CACNA1B: variants seen among roughly 807,000 people sequenced by gnomAD.
The protein encoded by CACNA1B is calcium voltage-gated channel subunit alpha1 B, also known as voltage-dependent N-type calcium channel subunit alpha-1B.
In CACNA1B, 70 loss-of-function variants were observed where a neutral mutation model predicts 247.2. The observed-to-expected ratio is 0.28, with a 90% CI of 0.23 to 0.35. The LOEUF is 0.35. Among genes scored for constraint, CACNA1B ranks in the 10% least tolerant of loss-of-function variants. CACNA1B has a pLI of 1.00. For synonymous variants in CACNA1B, 1,231 were observed against 1,294.4 expected, an observed-to-expected ratio of 0.95 and a Z score of 1.05; for missense variants, 2,367 against 3,197.4, an observed-to-expected ratio of 0.74 and a Z score of 6.26.
intron 6 of CACNA1B, among the ~76,000 whole-genome samples, chr9:137,945,807 T>C (rs1341498477): frequency 1.3e-5 from 2 of 152,190 alleles, no homozygotes; most frequent in Non-Finnish European, 2.9e-5. Flanking sequence ...TTGTTACTTG[T>C]CCTAAACATC....
intron 20 of CACNA1B, among the ~76,000 whole-genome samples, chr9:138,037,523 G>C (rs1959061012): frequency 6.6e-6 from 1 of 152,182 alleles, no homozygotes; most frequent in East Asian, 1.9e-4. Context: ...GCCAGGTGTG[G>C]TGGCAAGCGC....
chr9:137,969,736 C>T (rs73570231), intron 10 of CACNA1B, among the ~76,000 whole-genome samples: 3,696 of 152,282 alleles, frequency 0.024, 153 homozygotes, highest in African/African-American at 0.084. Flanking sequence ...TGCTGTGAAG[C>T]ATGTGCGTGT....
chr9:138,031,441 G>T (rs1265282269), intron 20 of CACNA1B, among the ~76,000 whole-genome samples: 2 of 152,168 alleles, frequency 1.3e-5, no homozygotes, highest in Admixed American at 1.3e-4. Context: ...GGGATATCTT[G>T]ATGTATGTTC....
chr9:138,045,663 TCTGAG>T (rs1163124109), intron 21 of CACNA1B, among the ~76,000 whole-genome samples: 2 of 151,998 alleles, frequency 1.3e-5, no homozygotes, highest in Non-Finnish European at 2.9e-5. Context: ...GGACTTAGGA[TCTGAG>T]CTGGGGGCTA....
At chr9:137,941,004 A>AAGACAAGG (rs1957727229) in intron 6 of CACNA1B, among the ~76,000 whole-genome samples, 1 of 152,220 alleles carries the variant, frequency 6.6e-6, no homozygotes, top group South Asian at 2.1e-4. Flanking sequence ...GAACTGGAAG[A>AAGACAAGG]AGACAAGGAT....
chr9:137,997,208 A>G (rs1958511161), intron 15 of CACNA1B, among the ~76,000 whole-genome samples: 1 of 152,080 alleles, frequency 6.6e-6, no homozygotes, highest in South Asian at 2.1e-4. Flanking sequence ...ATTGTACTCC[A>G]CTCTGTGTAT....
At chr9:137,960,271 A>AGACGCCACC in intron 10 of CACNA1B, among the ~76,000 whole-genome samples, 3 of 138,106 alleles carry the variant, frequency 2.2e-5, no homozygotes, top group Non-Finnish European at 3.1e-5. Flanking sequence ...ACCCGGAGAG[A>AGACGCCACC]AGGGAGGTCC....
chr9:137,963,942 T>G (rs1453291685), intron 10 of CACNA1B, among the ~76,000 whole-genome samples: 1 of 152,226 alleles, frequency 6.6e-6, no homozygotes, highest in Non-Finnish European at 1.5e-5. Context: ...TTATTTCTCC[T>G]TCACTTATGA....
intron 15 of CACNA1B, among the ~76,000 whole-genome samples, chr9:138,001,014 A>G (rs776614082): frequency 6.6e-6 from 1 of 151,772 alleles, no homozygotes; most frequent in East Asian, 1.9e-4. Flanking sequence ...GTGTTTTTTT[A>G]TCTGCATCAC....
chr9:137,903,054 T>G (rs866967999), intron 3 of CACNA1B, among the ~76,000 whole-genome samples: 2 of 152,220 alleles, frequency 1.3e-5, no homozygotes, highest in Non-Finnish European at 2.9e-5. Context: ...GACAAATGCC[T>G]AAAAGTTGGA....
intron 6 of CACNA1B, among the ~76,000 whole-genome samples, chr9:137,930,797 A>AT (rs925149134): frequency 1.7e-4 from 25 of 149,008 alleles, no homozygotes; most frequent in East Asian, 5.9e-4. Flanking sequence ...TAGACTTGCT[A>AT]TTTTTTTTTG....
rs199721953 is a variant in CACNA1B, at chr9:137,971,570, G to A, written c.1521G>A (p.Pro507=). ...TGGCCATGGTGCATTACAACCAGCC[G>A]CGGCGGCTTACCACGACCCTGTGTA... is the stretch of plus-strand genomic sequence containing the variant. ...LCVAMVHYNQ[P]RRLTTTLYFA... Residue 507 remains proline (P), a synonymous_variant, in exon 11 of 47, where the codon CCG becomes CCA. Transcript: ENST00000371372. This position sits in a 1 kb window ranked among gnomAD's most constrained non-coding sequence, Gnocchi z 4.4. 334 of 1,613,318 alleles carry A rather than the reference G, an allele frequency of 2.1e-4. No homozygotes were observed. The highest frequency in any genetic ancestry group is 2.7e-4 in the Non-Finnish European group (319 of 1,179,594).
At chr9:137,911,288 T>G (rs527508599) in intron 3 of CACNA1B, among the ~76,000 whole-genome samples, 14 of 152,252 alleles carry the variant, frequency 9.2e-5, no homozygotes, top group Admixed American at 9.2e-4. Flanking sequence ...AAATTCCTCT[T>G]TCAATAGTTG....
intron 15 of CACNA1B, among the ~76,000 whole-genome samples, chr9:137,992,395 C>T (rs537223385): frequency 2.0e-5 from 3 of 152,150 alleles, no homozygotes; most frequent in African/African-American, 7.2e-5. Context: ...TATCATAATC[C>T]TAAATGTATA....
At position 137,955,777 on chromosome 9, in the gene CACNA1B, G is replaced by T. The variant is rs1554738164; in HGVS notation, c.1150G>T (p.Glu384Ter). The T allele has an allele frequency of 6.2e-7, 1 of 1,611,844 alleles. No homozygotes were observed. The change falls in exon 8 of 47, where the codon GAG becomes TAG. Residue 384 changes from glutamate (E) to a stop codon, truncating the protein, a stop_gained. Coordinates refer to ENST00000371372, the MANE Select transcript of CACNA1B (RefSeq NM_000718.4). LOFTEE classifies it high-confidence loss of function. The surrounding 1 kb of genome is among the most constrained non-coding windows in gnomAD (Gnocchi z 6.9). The part of the protein sequence containing the change: ...KLRRQQQIER[E>*]LNGYLEWIFK... ...GCGCCGGCAGCAGCAGATCGAGCGA[G>T]AGCTCAACGGGTACCTGGAGTGGAT...
intron 20 of CACNA1B, among the ~76,000 whole-genome samples, chr9:138,026,391 T>A (rs1181393250): frequency 6.6e-6 from 1 of 152,196 alleles, no homozygotes; most frequent in Non-Finnish European, 1.5e-5. Context: ...CTGGCTTTTA[T>A]CTGCAGGAAT....
chr9:138,036,168 C>T (rs1168573149), intron 20 of CACNA1B, among the ~76,000 whole-genome samples: 1 of 151,536 alleles, frequency 6.6e-6, no homozygotes, highest in African/African-American at 2.4e-5. Context: ...GAGACGGAGT[C>T]TCGCTCTGTC....
chr9:137,925,460 T>G (rs1371266453), intron 6 of CACNA1B, among the ~76,000 whole-genome samples: 1 of 152,232 alleles, frequency 6.6e-6, no homozygotes, highest in East Asian at 1.9e-4. Context: ...GGCAGCAACC[T>G]TTGCTATGTT....
rs1959648380 is a variant in CACNA1B, at chr9:138,059,586, T to C, written c.4585-68T>C. 1.2e-5 allele frequency: 11 copies of C among 915,408 alleles called. No homozygotes were observed. In the East Asian group the frequency reaches 2.6e-4, roughly 22 times the overall value. 56.7% of individuals were successfully genotyped at this position (915,408 alleles called of 1,614,324 possible). ...CGCTTTCTTAATCAGGGCCACCACC[T>C]ATATATACCTCTTTGCCAACAGAGC... On this transcript the variant is annotated intron_variant, in intron 30 of 46. Transcript: ENST00000371372. The surrounding 1 kb of genome is among the most constrained non-coding windows in gnomAD (Gnocchi z 4.2).
Sources: gnomAD v4.1 joint callset for allele counts (sites outside exome capture counted in the v4.1 genomes callset) on GRCh38, gnomAD v4.1.1 for gene constraint, Gnocchi (gnomAD v3.1) non-coding constraint, MANE v1.5 for transcripts, NCBI Gene and HGNC (gene_info 2026-07-23, HGNC 2026-07-21) for gene names.